EP400: variants seen among roughly 807,000 people sequenced by gnomAD.
The protein encoded by EP400 is E1A binding protein p400, also known as E1A-binding protein p400.
EP400 carries 105 observed loss-of-function variants against 354.1 expected under a neutral mutation model. The ratio of observed to expected loss-of-function variants is 0.30; its 90% CI spans 0.25 to 0.35. The LOEUF is 0.35. Among genes scored for constraint, EP400 ranks in the 10% least tolerant of loss-of-function variants. The pLI is 1.00. For missense variants in EP400, 3,280 were observed against 4,121.0 expected (o/e 0.80, Z 5.59); for synonymous variants, 1,646 against 1,716.9 (o/e 0.96, Z 1.02).
chr12:132,037,937 A>G lies in EP400; in HGVS notation c.6064-16A>G. The G allele has an allele frequency of 1.2e-6, 2 of 1,614,174 alleles. No individual in the cohort carries two copies. Among genetic ancestry groups the G allele is most frequent in the Non-Finnish European group, 8.5e-7 (1 of 1,180,026 alleles). On this transcript the variant is annotated splice_polypyrimidine_tract_variant and intron_variant, in intron 31 of 52. Transcript: ENST00000389561. ...TGGACCTTGTACTGGGGAGTAACAC[A>G]CATCTCTGTGTTCAGCGAACCATCC...
Position 131,987,955 on chromosome 12 carries a change from G to A in EP400, c.2409+65G>A, listed in dbSNP as rs1028188761. On this transcript the variant is annotated intron_variant, in intron 7 of 52. Coordinates refer to ENST00000389561, the MANE Select transcript of EP400 (RefSeq NM_015409.5). The stretch of plus-strand genomic sequence containing the variant: ...GGTGGGGGCTTGAGTTTGCAGTGGT[G>A]TAAGTGGTGGGGAGGTCTCCAGACC... The A allele has an allele frequency of 6.1e-6, 7 of 1,156,638 alleles. No individual in the cohort carries two copies. In the South Asian group the frequency reaches 9.9e-5, roughly 16 times the overall value. 71.6% of individuals were successfully genotyped at this position (1,156,638 alleles called of 1,614,324 possible).
intron 12 of EP400, among the ~76,000 whole-genome samples, chr12:131,996,067 T>C (rs1893204109): frequency 6.6e-6 from 1 of 152,212 alleles, no homozygotes; most frequent in Non-Finnish European, 1.5e-5. Context: ...TCAGCCACAG[T>C]GTTAGGTGTT....
Position 132,013,574 on chromosome 12 carries a change from G to A in EP400, c.3696G>A (p.Gly1232=), listed in dbSNP as rs147374368. 2.5e-4 allele frequency: 399 copies of A among 1,613,838 alleles called. No individual in the cohort carries two copies. Among genetic ancestry groups the A allele is most frequent in the Non-Finnish European group, 3.2e-4 (376 of 1,179,862 alleles). Residue 1232 remains glycine (G), a synonymous_variant, in exon 18 of 53, where the codon GGG becomes GGA. Coordinates refer to ENST00000389561, the MANE Select transcript of EP400 (RefSeq NM_015409.5). This position sits in a 1 kb window ranked among gnomAD's most constrained non-coding sequence, Gnocchi z 4.5. The part of the protein sequence containing the change: ...LWTMVHFLVP[G]ISRPYLSSPL... ...CCATGGTGCACTTCCTGGTCCCAGGGATCTCCAGGCCCTACCTGAGCTCCC... is the reference window on the plus strand; with the variant it reads ...CCATGGTGCACTTCCTGGTCCCAGGAATCTCCAGGCCCTACCTGAGCTCCC...
chr12:132,016,343 G>T (rs1893932507), intron 19 of EP400, among the ~76,000 whole-genome samples: 1 of 152,060 alleles, frequency 6.6e-6, no homozygotes, highest in Non-Finnish European at 1.5e-5. Context: ...CGTCTCTCCT[G>T]TGGAGCCCTC....
intron 2 of EP400, among the ~76,000 whole-genome samples, chr12:131,973,652 AAGAC>A (rs1892373276): frequency 6.6e-6 from 1 of 152,186 alleles, no homozygotes; most frequent in Non-Finnish European, 1.5e-5. Context: ...CAAAAAAAAT[AAGAC>A]AGAGTTTCAG....
Position 132,065,325 on chromosome 12 carries a change from G to C in EP400, c.8553+439G>C, listed in dbSNP as rs1047380928. ...GGGAGAGCATTTGGAGATTTCAGAA[G>C]GGACTAGCATCAGGCGCAAGTGCTG... On this transcript the variant is annotated intron_variant, in intron 48 of 52. Transcript: ENST00000389561. The C allele has an allele frequency of 2.7e-5, 5 of 188,290 alleles. No individual in the cohort carries two copies. The East Asian group carries it at 5.0e-4, about 19-fold the overall frequency. The allele number at this position is 188,290 out of a possible 1,614,324, so 11.7% of individuals were successfully genotyped here.
chr12:131,964,204 C>T (rs927489037), intron 2 of EP400, among the ~76,000 whole-genome samples: 1 of 152,160 alleles, frequency 6.6e-6, no homozygotes, highest in Non-Finnish European at 1.5e-5. Context: ...AGGTCACTCA[C>T]GCCTGTAATC....
At chr12:131,982,557 A>G (rs1892718389) in intron 5 of EP400, 79 bp downstream of exon 5, 1 of 1,482,740 alleles carries the variant, frequency 6.7e-7, no homozygotes, top group South Asian at 1.3e-5. Context: ...AGAGTGTCAC[A>G]CCACACTGTA....
rs563579013 is a variant in EP400, at chr12:132,026,683, C to T, written c.5015-754C>T. ...GTCACTGTCCCGTGGAAGCCCTCCTCAGCTTCAGAGGCCCCAGTACCAACT... is the reference window on the plus strand; with the variant it reads ...GTCACTGTCCCGTGGAAGCCCTCCTTAGCTTCAGAGGCCCCAGTACCAACT... On this transcript the variant is annotated intron_variant, in intron 25 of 52. Transcript: ENST00000389561. Among the ~76,000 whole-genome samples, 10 of 152,298 alleles carry T rather than the reference C, an allele frequency of 6.6e-5. No homozygotes were observed. The East Asian group carries it at 1.5e-3, about 24-fold the overall frequency.
chr12:132,011,335 G>C (rs1450372067), intron 15 of EP400, among the ~76,000 whole-genome samples, 163 bp from the exon 16 acceptor site: 1 of 152,214 alleles, frequency 6.6e-6, no homozygotes, highest in African/African-American at 2.4e-5. Context: ...CAGTGTGCTG[G>C]CTCCAGATGA....
At chr12:132,030,678 C>T (rs1593359333) in intron 29 of EP400, among the ~76,000 whole-genome samples, 1 of 152,300 alleles carries the variant, frequency 6.6e-6, no homozygotes, top group African/African-American at 2.4e-5. Flanking sequence ...GTATTTAGGA[C>T]CCTTTACTTA....
intron 2 of EP400, among the ~76,000 whole-genome samples, chr12:131,974,580 T>C (rs1892403446): frequency 6.6e-6 from 1 of 152,196 alleles, no homozygotes; most frequent in Non-Finnish European, 1.5e-5. Context: ...ATGGATAAGC[T>C]CTGTTTTGGT....
chr12:132,054,606 A>G lies in EP400; in HGVS notation c.7729-368A>G, dbSNP rs558463431. ...ATAAGAAGAACAAAACAGCAAGTAC[A>G]GAGGCCCTGAGCTTGGCTGATATGG... On this transcript the variant is annotated intron_variant, in intron 43 of 52. Transcript: ENST00000389561. The surrounding 1 kb of genome is among the most constrained non-coding windows in gnomAD (Gnocchi z 4.0). Among the ~76,000 whole-genome samples the G allele has an allele frequency of 7.9e-5, 12 of 152,336 alleles. No homozygotes were observed. Among genetic ancestry groups the G allele is most frequent in the African/African-American group, 2.6e-4 (11 of 41,570 alleles).
At chr12:132,045,062 C>T in intron 37 of EP400, 109 bp downstream of exon 37, 1 of 1,488,930 alleles carries the variant, frequency 6.7e-7, no homozygotes, top group Non-Finnish European at 9.0e-7. Context: ...CTGTCTGCTG[C>T]AGGGCTAGCG....
chr12:132,025,636 A>G lies in EP400; in HGVS notation c.4856-10A>G, dbSNP rs1244936968. ...CCTGTCATTGACACCTAGTGGACCT[A>G]TGATTGCAGGCAGCGTCCTCCAGAT... On this transcript the variant is annotated splice_polypyrimidine_tract_variant and intron_variant, in intron 24 of 52. Transcript: ENST00000389561. The surrounding 1 kb of genome is among the most constrained non-coding windows in gnomAD (Gnocchi z 4.1). The G allele has an allele frequency of 6.3e-7, 1 of 1,591,706 alleles. No individual in the cohort carries two copies. The highest frequency in any genetic ancestry group is 1.1e-5 in the South Asian group (1 of 88,182).
Position 132,053,337 on chromosome 12 carries a change from C to T in EP400, c.7474-6C>T, listed in dbSNP as rs756226211. 4 of 1,587,266 alleles carry T rather than the reference C, an allele frequency of 2.5e-6. No homozygotes were observed. Among genetic ancestry groups the T allele is most frequent in the Non-Finnish European group, 8.5e-7 (1 of 1,172,360 alleles). On this transcript the variant is annotated splice_region_variant and splice_polypyrimidine_tract_variant and intron_variant, in intron 42 of 52. Coordinates refer to ENST00000389561, the MANE Select transcript of EP400 (RefSeq NM_015409.5). Reference sequence around the variant, plus strand: ...CAGTGGCTCCTCTTCCTTCCTGGCCCCTCAGGCTCTGGCTGATCAGCAGAA... The same window carrying T: ...CAGTGGCTCCTCTTCCTTCCTGGCCTCTCAGGCTCTGGCTGATCAGCAGAA...
chr12:131,963,870 G>C (rs549718876), intron 2 of EP400, among the ~76,000 whole-genome samples: 1 of 152,086 alleles, frequency 6.6e-6, no homozygotes, highest in African/African-American at 2.4e-5. Flanking sequence ...CTTGTAATGC[G>C]GTAGTAGCTT....
chr12:132,031,803 C>T, intron 29 of EP400, 150 bp from the exon 30 acceptor site: 4 of 692,422 alleles, frequency 5.8e-6, no homozygotes. Context: ...GATCCACCCA[C>T]CTCGGCCTCC....
Position 131,961,850 on chromosome 12 carries a change from T to C in EP400, c.1231T>C (p.Tyr411His), listed in dbSNP as rs1428814351. ...MDFLAFKKKH[Y>H]APLQAYLRQN... ...TTTCTTAGCTTTCAAGAAGAAACAT[T>C]ATGCCCCATTACAAGCATATCTTAG... Residue 411 changes from tyrosine to histidine, a missense_variant, in exon 2 of 53, where the codon TAT (tyrosine) becomes CAT (histidine). This residue lies in a region of EP400 where 800 missense variants were observed against 840.0 expected (regional missense o/e 0.95). Coordinates refer to ENST00000389561, the MANE Select transcript of EP400 (RefSeq NM_015409.5). The C allele has an allele frequency of 2.4e-5, 39 of 1,614,052 alleles. No individual in the cohort carries two copies. The Admixed American group carries it at 6.5e-4, about 27-fold the overall frequency.
Sources: allele counts gnomAD v4.1 joint callset (sites outside exome capture counted in the v4.1 genomes callset), GRCh38; gene constraint gnomAD v4.1.1; regional missense constraint gnomAD v4.1.1; non-coding constraint Gnocchi (gnomAD v3.1); transcripts MANE v1.5; gene names NCBI Gene and HGNC (gene_info 2026-07-23, HGNC 2026-07-21).